PPL: variants seen among roughly 807,000 people sequenced by gnomAD.
The protein encoded by PPL is 190 kDa paraneoplastic pemphigus antigen.
In PPL, 198 loss-of-function variants were observed where a neutral mutation model predicts 194.4. The ratio of observed to expected loss-of-function variants is 1.02; its 90% CI spans 0.91 to 1.15. The LOEUF (loss-of-function observed/expected upper bound fraction) is 1.15, where lower values mean the gene tolerates loss of function less well. Ranked by LOEUF, PPL falls within the 50% of genes most tolerant of loss-of-function variation. The pLI, the probability that PPL is intolerant of heterozygous loss-of-function variation, is 0.00. For synonymous variants in PPL, 1,220 were observed against 972.4 expected (o/e 1.25, Z -4.74); for missense variants, 2,885 against 2,294.8 (o/e 1.26, Z -5.25).
Position 4,889,092 on chromosome 16 carries a change from ACCAG to A in PPL, c.2314-35_2314-32del, listed in dbSNP as rs749455437. On this transcript the variant is annotated intron_variant, in intron 18 of 21. Transcript: ENST00000345988. ...AGACAGAGTTTAAAAATCAAAACTA[ACCAG>A]AAAAAAAATTTAAAAAAGCAACCAT... is the stretch of plus-strand genomic sequence containing the variant. The A allele has an allele frequency of 1.1e-5, 18 of 1,596,568 alleles. No homozygotes were observed. The African/African-American group carries it at 2.4e-4, about 21-fold the overall frequency.
intron 2 of PPL, among the ~76,000 whole-genome samples, chr16:4,906,846 G>A (rs1277786080): frequency 6.6e-6 from 1 of 152,186 alleles, no homozygotes; most frequent in African/African-American, 2.4e-5. Context: ...CACAGACAGT[G>A]GTTATCTGGG....
intron 2 of PPL, among the ~76,000 whole-genome samples, chr16:4,906,521 G>A (rs577943613): frequency 3.9e-5 from 6 of 152,296 alleles, no homozygotes; most frequent in African/African-American, 1.2e-4. Context: ...CACCGCGCCC[G>A]GCCTGCTTGG....
chr16:4,917,997 A>C (rs1003183452), intron 1 of PPL, among the ~76,000 whole-genome samples: 1 of 151,668 alleles, frequency 6.6e-6, no homozygotes, highest in African/African-American at 2.4e-5. Context: ...AAAAAAAAAA[A>C]ACACAAAAAA....
At chr16:4,934,793 T>C (rs2089273567) in intron 1 of PPL, among the ~76,000 whole-genome samples, 1 of 151,932 alleles carries the variant, frequency 6.6e-6, no homozygotes, top group Non-Finnish European at 1.5e-5. Context: ...CATCAGGCAA[T>C]GTTCAAGAGA....
At chr16:4,915,190 C>A (rs1168335486) in intron 1 of PPL, among the ~76,000 whole-genome samples, 1 of 152,236 alleles carries the variant, frequency 6.6e-6, no homozygotes, top group Non-Finnish European at 1.5e-5. Flanking sequence ...GCCGAAGCCC[C>A]CCAGAGGACA....
intron 1 of PPL, among the ~76,000 whole-genome samples, chr16:4,931,275 G>C (rs2089221937): frequency 6.6e-6 from 1 of 152,126 alleles, no homozygotes; most frequent in South Asian, 2.1e-4. Flanking sequence ...GAGGCATGAG[G>C]ATTGCTTGAG....
chr16:4,913,396 C>A (rs948754968), intron 1 of PPL, among the ~76,000 whole-genome samples: 5 of 152,184 alleles, frequency 3.3e-5, no homozygotes, highest in Admixed American at 6.5e-5. Context: ...AGTAACAGTC[C>A]TTTCCCGGGG....
At position 4,931,306 on chromosome 16, in the gene PPL, G is replaced by C. The variant is rs151112271; in HGVS notation, c.62+5678C>G. Among the ~76,000 whole-genome samples the C allele has an allele frequency of 3.3e-3, 505 of 152,298 alleles. 5 individuals carry two copies. Among genetic ancestry groups the C allele is most frequent in the African/African-American group, 0.012 (482 of 41,560 alleles). ...TTGAGCCCAGCAGTTCAAGGCTACAGTGAGCTATGATCGCACCACTGCACT... is the reference window on the plus strand; with the variant it reads ...TTGAGCCCAGCAGTTCAAGGCTACACTGAGCTATGATCGCACCACTGCACT... On this transcript the variant is annotated intron_variant, in intron 1 of 21. Transcript: ENST00000345988.
chr16:4,885,551 T>C lies in PPL; in HGVS notation c.3104A>G (p.Gln1035Arg). The C allele has an allele frequency of 6.2e-7, 1 of 1,610,696 alleles. No individual in the cohort carries two copies. Among genetic ancestry groups the C allele is most frequent in the Non-Finnish European group, 8.5e-7 (1 of 1,179,924 alleles). ...TTCAGCCAGGGCGGCCACACGCTGC[T>C]GCAGGAGGAGCACCTCTGCCTCCCG... The part of the protein sequence containing the change: ...GAREAEVLLL[Q>R]QRVAALAEEK... Residue 1035 changes from glutamine (Q) to arginine (R), a missense_variant, in exon 22 of 22, where the codon CAG (glutamine) becomes CGG (arginine). Gln to Arg is a conservative substitution (Grantham distance 43, BLOSUM62 1). Transcript: ENST00000345988. This position sits in a 1 kb window ranked among gnomAD's most constrained non-coding sequence, Gnocchi z 6.3.
At chr16:4,908,131 C>T (rs2088736180) in intron 2 of PPL, among the ~76,000 whole-genome samples, 1 of 146,654 alleles carries the variant, frequency 6.8e-6, no homozygotes, top group Non-Finnish European at 1.5e-5. Context: ...CACTGCACTC[C>T]AGCCTGGACA....
At chr16:4,921,401 C>G (rs1250354555) in intron 1 of PPL, among the ~76,000 whole-genome samples, 2 of 152,172 alleles carry the variant, frequency 1.3e-5, no homozygotes, top group African/African-American at 4.8e-5. Flanking sequence ...GCCTGGGGGC[C>G]TCAGATGGCA....
chr16:4,897,750 G>C lies in PPL; in HGVS notation c.897C>G (p.His299Gln). ...NSIEAHMEAV[H>Q]ADWKEYLNLL... ...GGTTCAGGTACTCCTTCCAGTCTGC[G>C]TGCACAGCCTCCATGTGCGCCTGCC... The change falls in exon 9 of 22, where the codon CAC (histidine) becomes CAG (glutamine). Residue 299 changes from histidine (H) to glutamine (Q), a missense_variant. Transcript: ENST00000345988. 1 of 1,613,820 alleles carries C rather than the reference G, an allele frequency of 6.2e-7. No individual in the cohort carries two copies. Among genetic ancestry groups the C allele is most frequent in the African/African-American group, 1.3e-5 (1 of 75,036 alleles).
chr16:4,914,861 C>T (rs751573698), intron 1 of PPL, among the ~76,000 whole-genome samples: 20 of 152,114 alleles, frequency 1.3e-4, no homozygotes, highest in Non-Finnish European at 2.4e-4. Flanking sequence ...TCCCTCATTC[C>T]CTAACCCCCC....
chr16:4,906,620 T>C (rs549161272), intron 2 of PPL, among the ~76,000 whole-genome samples: 5 of 152,334 alleles, frequency 3.3e-5, no homozygotes, highest in African/African-American at 9.6e-5. Context: ...CCATTAATCA[T>C]TGCCTAATTC....
At chr16:4,903,860 T>G in intron 3 of PPL, 26 bp downstream of exon 3, 1 of 1,611,836 alleles carries the variant, frequency 6.2e-7, no homozygotes, top group Non-Finnish European at 8.5e-7. Context: ...ATGGCTCCCC[T>G]GGGGTAAGAA....
chr16:4,891,011 T>C (rs984875581), intron 16 of PPL, 90 bp from the exon 17 acceptor site: 12 of 1,197,714 alleles, frequency 1.0e-5, no homozygotes, highest in Middle Eastern at 2.9e-4. Flanking sequence ...GGCCACTGAC[T>C]GTAGGAGGGT....
At chr16:4,925,643 C>T (rs1390017414) in intron 1 of PPL, among the ~76,000 whole-genome samples, 1 of 152,164 alleles carries the variant, frequency 6.6e-6, no homozygotes, top group African/African-American at 2.4e-5. Flanking sequence ...TGTTTTAATG[C>T]AATTCGGTAA....
chr16:4,896,977 G>A (rs955547521), intron 9 of PPL, among the ~76,000 whole-genome samples: 6 of 152,004 alleles, frequency 3.9e-5, no homozygotes, highest in South Asian at 2.1e-4. Flanking sequence ...AGTTTTGCAA[G>A]TAGATGGTGG....
At position 4,883,248 on chromosome 16, in the gene PPL, T is replaced by A; in HGVS notation, c.*136A>T. 1.4e-5 allele frequency: 17 copies of A among 1,248,524 alleles called. No homozygotes were observed. Among genetic ancestry groups the A allele is most frequent in the Non-Finnish European group, 1.9e-5 (17 of 894,678 alleles). The allele number at this position is 1,248,524 out of a possible 1,614,324, so 77.3% of individuals were successfully genotyped here. A position where few individuals can be genotyped will look rare whatever the true frequency, so the allele number is the denominator to read the frequency against. On this transcript the variant is annotated 3_prime_UTR_variant, in exon 22 of 22. Coordinates refer to ENST00000345988, the MANE Select transcript of PPL (RefSeq NM_002705.5). This position sits in a 1 kb window ranked among gnomAD's most constrained non-coding sequence, Gnocchi z 4.8. ...CCTGTCTCATATGTGGGCGGGACTC[T>A]GAGCAGCCTGGCAGCGAGGGTATGT...
Sources: allele counts gnomAD v4.1 joint callset (sites outside exome capture counted in the v4.1 genomes callset), GRCh38; gene constraint gnomAD v4.1.1; non-coding constraint Gnocchi (gnomAD v3.1); transcripts MANE v1.5; gene names NCBI Gene and HGNC (gene_info 2026-07-23, HGNC 2026-07-21).